SOX5: variants seen among roughly 807,000 people sequenced by gnomAD.
The protein encoded by SOX5 is transcription factor SOX-5.
Under a neutral mutation model 92.0 loss-of-function variants are expected in SOX5, and 9 were observed. The observed-to-expected ratio is 0.10, with a 90% CI of 0.06 to 0.17. The LOEUF (loss-of-function observed/expected upper bound fraction) is 0.17. Among genes scored for constraint, SOX5 ranks in the 10% least tolerant of loss-of-function variants. The pLI, the probability that SOX5 is intolerant of heterozygous loss-of-function variation, is 1.00. For missense variants in SOX5, 642 were observed against 944.5 expected (o/e 0.68, Z 4.20); for synonymous variants, 344 against 336.3 (o/e 1.02, Z -0.25).
intron 3 of SOX5, among the ~76,000 whole-genome samples, chr12:23,802,859 A>C (rs2095688709): frequency 6.6e-6 from 1 of 152,200 alleles, no homozygotes. Context: ...GTAGTCTTGC[A>C]GTCTGGCTTC....
intron 4 of SOX5, among the ~76,000 whole-genome samples, chr12:23,754,424 T>C (rs575454381): frequency 6.6e-6 from 1 of 151,836 alleles, no homozygotes; most frequent in African/African-American, 2.4e-5. Flanking sequence ...TCAGTTCTCC[T>C]TAAACTTTCT....
At chr12:24,323,932 A>G (rs899382951) in intron 2 of SOX5, among the ~76,000 whole-genome samples, 1 of 152,186 alleles carries the variant, frequency 6.6e-6, no homozygotes, top group Non-Finnish European at 1.5e-5. Flanking sequence ...ATGTTCAATT[A>G]AGAAATACAG....
At chr12:24,344,281 CAAAAAAAA>C (rs61660537) in intron 2 of SOX5, among the ~76,000 whole-genome samples, 1 of 104,288 alleles carries the variant, frequency 9.6e-6, no homozygotes, top group Non-Finnish European at 2.0e-5. Context: ...GACTCTGTCT[CAAAAAAAA>C]AAAAAAAAAA....
At chr12:24,340,141 T>C (rs542601665) in intron 2 of SOX5, among the ~76,000 whole-genome samples, 21 of 152,260 alleles carry the variant, frequency 1.4e-4, no homozygotes, top group African/African-American at 3.6e-4. Flanking sequence ...CGCTGGCACA[T>C]AGTCTCCCTT....
At chr12:24,110,442 A>C (rs1347358225) in intron 4 of SOX5, among the ~76,000 whole-genome samples, 1 of 152,248 alleles carries the variant, frequency 6.6e-6, no homozygotes, top group African/African-American at 2.4e-5. Flanking sequence ...AGTTTGATAA[A>C]CAAATGGATG....
chr12:23,937,204 AC>A (rs1942767380), intron 1 of SOX5, among the ~76,000 whole-genome samples: 1 of 150,984 alleles, frequency 6.6e-6, no homozygotes, highest in African/African-American at 2.4e-5. Context: ...TCAAATTATT[AC>A]TTAGTCAAAA....
At chr12:23,544,763 C>T (rs960682027) in intron 12 of SOX5, among the ~76,000 whole-genome samples, 3 of 152,134 alleles carry the variant, frequency 2.0e-5, no homozygotes, top group Non-Finnish European at 2.9e-5. Flanking sequence ...GCTAATACAA[C>T]TTAAAATTTA....
At chr12:23,534,693 T>C (rs1489277090) in intron 14 of SOX5, among the ~76,000 whole-genome samples, 171 bp from the exon 15 acceptor site, 3 of 137,534 alleles carry the variant, frequency 2.2e-5, no homozygotes, top group Non-Finnish European at 3.3e-5. Flanking sequence ...ACCTTGTTTT[T>C]CTTTTCTTTT....
At chr12:24,049,514 T>G (rs1294984151) in intron 4 of SOX5, among the ~76,000 whole-genome samples, 1 of 152,178 alleles carries the variant, frequency 6.6e-6, no homozygotes, top group Non-Finnish European at 1.5e-5. Flanking sequence ...CATGGCAAAT[T>G]TGTCAATATG....
chr12:23,824,982 G>A (rs1423330674), intron 3 of SOX5, among the ~76,000 whole-genome samples: 1 of 152,188 alleles, frequency 6.6e-6, no homozygotes, highest in Non-Finnish European at 1.5e-5. Context: ...AGGCTGCTGT[G>A]CTGACAGTGA....
At chr12:24,437,838 T>C (rs1313513011) in intron 1 of SOX5, among the ~76,000 whole-genome samples, 1 of 152,230 alleles carries the variant, frequency 6.6e-6, no homozygotes, top group African/African-American at 2.4e-5. Context: ...TTGGTAGGAA[T>C]GTAAATTAGT....
At chr12:23,952,494 T>C (rs1392819667), upstream of SOX5, among the ~76,000 whole-genome samples, 2 of 152,234 alleles carry the variant, frequency 1.3e-5, no homozygotes, top group African/African-American at 4.8e-5. Flanking sequence ...GCACTTAATA[T>C]ATGTATACAT....
At chr12:24,140,187 T>C (rs1390672376) in intron 4 of SOX5, among the ~76,000 whole-genome samples, 4 of 152,014 alleles carry the variant, frequency 2.6e-5, no homozygotes, top group African/African-American at 9.7e-5. Context: ...TGCTGACCGG[T>C]TGGCATTTCT....
intron 2 of SOX5, among the ~76,000 whole-genome samples, chr12:23,852,320 G>C (rs1355986838): frequency 6.6e-6 from 1 of 152,068 alleles, no homozygotes; most frequent in Non-Finnish European, 1.5e-5. Context: ...TCTCGGGGCA[G>C]ACTGAATATT....
At chr12:23,647,640 G>A (rs971204509) in intron 7 of SOX5, among the ~76,000 whole-genome samples, 7 of 152,220 alleles carry the variant, frequency 4.6e-5, no homozygotes, top group African/African-American at 1.7e-4. Context: ...ACTTGCTGCA[G>A]CTTCTACATC....
chr12:24,419,933 G>C (rs140013203), intron 1 of SOX5, among the ~76,000 whole-genome samples: 1 of 152,282 alleles, frequency 6.6e-6, no homozygotes, highest in African/African-American at 2.4e-5. Context: ...CCAAAAGGGA[G>C]CCAAAGATAA....
chr12:24,036,564 C>T (rs955791461), intron 4 of SOX5, among the ~76,000 whole-genome samples: 26 of 152,164 alleles, frequency 1.7e-4, no homozygotes, highest in African/African-American at 2.9e-4. Flanking sequence ...AAGCTGTGTA[C>T]GAATTCAATA....
chr12:24,373,381 G>GTCAT (rs979860376), intron 1 of SOX5, among the ~76,000 whole-genome samples: 2 of 152,152 alleles, frequency 1.3e-5, no homozygotes, highest in Non-Finnish European at 2.9e-5. Flanking sequence ...TCAAGATAAA[G>GTCAT]TCATTCATTC....
intron 2 of SOX5, among the ~76,000 whole-genome samples, chr12:24,351,358 G>A (rs974046628): frequency 1.4e-4 from 21 of 152,122 alleles, no homozygotes; most frequent in South Asian, 2.1e-4. Flanking sequence ...GAACAGACAC[G>A]TAAATTATCG....
Sources: gnomAD v4.1 joint callset for allele counts (sites outside exome capture counted in the v4.1 genomes callset) on GRCh38, gnomAD v4.1.1 for gene constraint, MANE v1.5 for transcripts, NCBI Gene and HGNC (gene_info 2026-07-23, HGNC 2026-07-21) for gene names.